The following LYPLAL1 variants were observed in gnomAD, a reference collection of about 807,000 sequenced individuals.
LYPLAL1 encodes lysophospholipase-like protein 1.
Under a neutral mutation model 19.7 loss-of-function variants are expected in LYPLAL1, and 23 were observed. The ratio of observed to expected loss-of-function variants is 1.17; its 90% confidence interval spans 0.84 to 1.65. The LOEUF is 1.65. Among genes scored for constraint, LYPLAL1 ranks in the 40% most tolerant of loss-of-function variants. The pLI is 0.00. For missense variants in LYPLAL1, 355 were observed against 279.4 expected, an observed-to-expected ratio of 1.27 and a Z score of -1.93; for synonymous variants, 119 against 96.3, an observed-to-expected ratio of 1.24 and a Z score of -1.38.
chr1:219,281,153 G>C, the LYPLAL1 span, among the ~76,000 whole-genome samples: 1 of 152,202 alleles, frequency 6.6e-6, no homozygotes, highest in Non-Finnish European at 1.5e-5. Context: ...ATGTTCCCCT[G>C]ATTAGGATGG....
the LYPLAL1 span, among the ~76,000 whole-genome samples, chr1:219,385,060 T>G: frequency 3.3e-5 from 5 of 152,088 alleles, no homozygotes; most frequent in African/African-American, 1.2e-4. Context: ...CAGGTGGTGG[T>G]GGGGGAGGTC....
At chr1:219,429,549 TG>T in the LYPLAL1 span, among the ~76,000 whole-genome samples, 11 of 152,190 alleles carry the variant, frequency 7.2e-5, no homozygotes, top group Admixed American at 5.2e-4. Context: ...TTCCACCACT[TG>T]GGGGGCTGAG....
the LYPLAL1 span, among the ~76,000 whole-genome samples, chr1:219,258,026 G>A: frequency 1.3e-5 from 2 of 151,914 alleles, no homozygotes; most frequent in South Asian, 4.2e-4. Flanking sequence ...ATACTTACAT[G>A]TCTGTTTATA....
the LYPLAL1 span, among the ~76,000 whole-genome samples, chr1:219,390,912 A>G: frequency 2.0e-5 from 3 of 152,166 alleles, no homozygotes; most frequent in African/African-American, 7.2e-5. Context: ...CTCATTTTAT[A>G]ATGGGGAGAA....
chr1:219,393,152 C>T, the LYPLAL1 span, among the ~76,000 whole-genome samples: 15 of 152,258 alleles, frequency 9.9e-5, no homozygotes, highest in East Asian at 1.9e-4. Flanking sequence ...TATCTTATGG[C>T]GGGATTATGT....
the LYPLAL1 span, among the ~76,000 whole-genome samples, chr1:219,288,719 A>T: frequency 6.6e-6 from 1 of 152,160 alleles, no homozygotes; most frequent in Non-Finnish European, 1.5e-5. Flanking sequence ...CTGGTGGGAG[A>T]TGTTGACAAT....
At chr1:219,382,790 T>C in the LYPLAL1 span, among the ~76,000 whole-genome samples, 1 of 152,196 alleles carries the variant, frequency 6.6e-6, no homozygotes, top group Non-Finnish European at 1.5e-5. Context: ...TAAAACATGA[T>C]TTTTATAACT....
the LYPLAL1 span, among the ~76,000 whole-genome samples, chr1:219,293,217 C>G: frequency 6.6e-6 from 1 of 151,740 alleles, no homozygotes; most frequent in Non-Finnish European, 1.5e-5. Context: ...CTGTTCTCCA[C>G]AGAGTTTTGA....
the LYPLAL1 span, among the ~76,000 whole-genome samples, chr1:219,228,494 C>G: frequency 3.8e-4 from 57 of 150,640 alleles, no homozygotes; most frequent in Non-Finnish European, 7.9e-4. Context: ...TGTCTTATCT[C>G]AAGTAAATAT....
chr1:219,314,307 T>C, the LYPLAL1 span, among the ~76,000 whole-genome samples: 3 of 152,276 alleles, frequency 2.0e-5, no homozygotes, highest in Admixed American at 2.0e-4. Flanking sequence ...GTCTTTATTG[T>C]AGAACAATTT....
At chr1:219,226,473 C>T in the LYPLAL1 span, among the ~76,000 whole-genome samples, 1 of 152,172 alleles carries the variant, frequency 6.6e-6, no homozygotes, top group Non-Finnish European at 1.5e-5. Flanking sequence ...TCAAAATATT[C>T]TTCCCTGAGA....
the LYPLAL1 span, among the ~76,000 whole-genome samples, chr1:219,249,401 A>G: frequency 5.9e-5 from 9 of 151,964 alleles, no homozygotes; most frequent in African/African-American, 1.4e-4. Context: ...GTAATATTCC[A>G]TAGTGTTAAA....
the LYPLAL1 span, among the ~76,000 whole-genome samples, chr1:219,289,118 G>A: frequency 6.9e-6 from 1 of 145,420 alleles, no homozygotes; most frequent in Non-Finnish European, 1.5e-5. Flanking sequence ...TTCTTTGGAG[G>A]CACAGGACCC....
chr1:219,367,722 T>C, the LYPLAL1 span, among the ~76,000 whole-genome samples: 3 of 152,188 alleles, frequency 2.0e-5, no homozygotes, highest in Admixed American at 1.3e-4. Context: ...CCTAATGCCA[T>C]GAAAAAGAAT....
chr1:219,209,136 C>G (rs940059489), intron 3 of LYPLAL1, among the ~76,000 whole-genome samples: 1 of 152,036 alleles, frequency 6.6e-6, no homozygotes, highest in Non-Finnish European at 1.5e-5. Context: ...TTGAAAGAGC[C>G]TTTCAGGTGG....
chr1:219,231,818 C>T, the LYPLAL1 span, among the ~76,000 whole-genome samples: 12 of 152,234 alleles, frequency 7.9e-5, no homozygotes, highest in African/African-American at 2.6e-4. Flanking sequence ...CTATAGACAA[C>T]TCTATATATG....
At chr1:219,368,764 T>A in the LYPLAL1 span, among the ~76,000 whole-genome samples, 3 of 152,236 alleles carry the variant, frequency 2.0e-5, no homozygotes, top group African/African-American at 7.2e-5. Flanking sequence ...GCAGTAAGTA[T>A]AGTGATCTGA....
downstream of LYPLAL1, among the ~76,000 whole-genome samples, chr1:219,213,122 T>C (rs959428273): frequency 6.6e-6 from 1 of 152,036 alleles, no homozygotes; most frequent in Non-Finnish European, 1.5e-5. Context: ...ATTTTCTAAA[T>C]GAATGTGTTA....
chr1:219,434,875 G>A, the LYPLAL1 span, among the ~76,000 whole-genome samples: 1 of 151,124 alleles, frequency 6.6e-6, no homozygotes, highest in East Asian at 1.9e-4. Flanking sequence ...GTAACTGAAT[G>A]TGATGCTGTA....
Sources: gnomAD v4.1 joint callset for allele counts (sites outside exome capture counted in the v4.1 genomes callset) on GRCh38, gnomAD v4.1.1 for gene constraint, MANE v1.5 for transcripts, NCBI Gene and HGNC (gene_info 2026-07-23, HGNC 2026-07-21) for gene names.